The following RAB10 variants were observed in gnomAD, a reference collection of about 807,000 sequenced individuals.
RAB10 encodes the protein ras-related protein Rab-10.
A neutral mutation model predicts 25.7 loss-of-function variants in RAB10; 5 were observed. The ratio of observed to expected loss-of-function variants is 0.19; its 90% CI spans 0.10 to 0.41. The LOEUF is 0.41. RAB10 is among the 10% of genes least tolerant of loss of function. The probability of loss-of-function intolerance (pLI) is 1.00; values close to 1 mark genes in which losing one functional copy is unlikely to be tolerated. For synonymous variants in RAB10, 89 were observed against 86.4 expected (o/e 1.03, Z -0.16); for missense variants, 103 against 245.8 (o/e 0.42, Z 3.89).
chr2:26,128,816 ACT>A (rs1667954740), intron 5 of RAB10, among the ~76,000 whole-genome samples: 2 of 134,386 alleles, frequency 1.5e-5, no homozygotes, highest in African/African-American at 2.8e-5. Context: ...AAGATTTGTG[ACT>A]CTCAATATTT....
chr2:26,064,828 C>T (rs868589939), intron 1 of RAB10, among the ~76,000 whole-genome samples: 1 of 152,324 alleles, frequency 6.6e-6, no homozygotes, highest in Middle Eastern at 3.4e-3. Flanking sequence ...GGGAGGATCT[C>T]TTGAAGCCAG....
At chr2:26,066,735 A>C (rs978060225) in intron 1 of RAB10, among the ~76,000 whole-genome samples, 1 of 151,602 alleles carries the variant, frequency 6.6e-6, no homozygotes, top group Non-Finnish European at 1.5e-5. Context: ...ACTACAGTTC[A>C]AGATGACATT....
At chr2:26,036,864 A>G (rs1665774063) in intron 1 of RAB10, among the ~76,000 whole-genome samples, 3 of 151,080 alleles carry the variant, frequency 2.0e-5, no homozygotes, top group South Asian at 4.3e-4. Flanking sequence ...ATCTCGGCCC[A>G]CTGCAACCTC....
At chr2:26,134,836 T>A in intron 5 of RAB10, 102 bp from the exon 6 acceptor site, 1 of 847,514 alleles carries the variant, frequency 1.2e-6, no homozygotes. Context: ...ATTGTAGTTG[T>A]ATTTTGTTGT....
intron 2 of RAB10, chr2:26,102,007 T>A (rs1042646431): frequency 5.2e-5 from 8 of 152,452 alleles, no homozygotes; most frequent in Admixed American, 5.2e-4. Flanking sequence ...CTATTCCTTG[T>A]CCTTGTCCTT....
intron 1 of RAB10, among the ~76,000 whole-genome samples, chr2:26,096,194 A>G (rs1011391328): frequency 6.6e-6 from 1 of 152,218 alleles, no homozygotes; most frequent in Admixed American, 6.5e-5. Context: ...TTCCTTTTAT[A>G]AACAGATGTT....
intron 1 of RAB10, among the ~76,000 whole-genome samples, chr2:26,047,221 G>A (rs965612307): frequency 1.3e-5 from 2 of 151,898 alleles, no homozygotes; most frequent in Non-Finnish European, 2.9e-5. Flanking sequence ...ATAGCCTCCC[G>A]ATATTTCTAC....
chr2:26,094,183 C>G (rs770520931), intron 1 of RAB10, among the ~76,000 whole-genome samples: 3 of 152,096 alleles, frequency 2.0e-5, no homozygotes, highest in African/African-American at 4.8e-5. Flanking sequence ...GCCACCACAC[C>G]CAGCCTTTTT....
chr2:26,111,117 T>TAAG (rs1667559728), intron 3 of RAB10, among the ~76,000 whole-genome samples: 1 of 152,224 alleles, frequency 6.6e-6, no homozygotes, highest in East Asian at 1.9e-4. Context: ...TGCTACCTTC[T>TAAG]AGGCTTTGAG....
chr2:26,099,532 G>GTTT (rs70950167), intron 2 of RAB10, among the ~76,000 whole-genome samples: 33 of 73,336 alleles, frequency 4.5e-4, no homozygotes, highest in South Asian at 1.2e-3. Context: ...GTTTTTTTGG[G>GTTT]TTTTTTTTTT....
chr2:26,072,133 A>G lies in RAB10; in HGVS notation c.128-26529A>G, dbSNP rs1236347741. Among the ~76,000 whole-genome samples, 3 of 152,108 alleles carry G rather than the reference A, an allele frequency of 2.0e-5. No homozygotes were observed. In the East Asian group the frequency reaches 5.8e-4, roughly 29 times the overall value. ...AACTGATGGATTTTAATATAATAGA[A>G]CATGGCTGGGTGCGGTGGCTCACGC... On this transcript the variant is annotated intron_variant, in intron 1 of 5. Transcript: ENST00000264710.
chr2:26,034,295 C>T lies in RAB10; in HGVS notation c.-314C>T, dbSNP rs929654923. On this transcript the variant is annotated 5_prime_UTR_variant, in exon 1 of 6. Transcript: ENST00000264710. ...TCCTCGACGGCAGAGCAGGCTTGCT[C>T]GCCCGTGGGAGCGTCCCGGCCGAGA... 15 of 539,328 alleles carry T rather than the reference C, an allele frequency of 2.8e-5. No individual in the cohort carries two copies. In the African/African-American group the frequency reaches 2.8e-4, roughly 10 times the overall value. The allele number at this position is 539,328 out of a possible 1,614,324, so 33.4% of individuals were successfully genotyped here. A position where few individuals can be genotyped will look rare whatever the true frequency, so the allele number is the denominator to read the frequency against.
chr2:26,047,480 A>G (rs1044669613), intron 1 of RAB10, among the ~76,000 whole-genome samples: 5 of 152,062 alleles, frequency 3.3e-5, no homozygotes, highest in Admixed American at 1.3e-4. Context: ...CAGTGGCACA[A>G]TCTCGGCTCA....
chr2:26,083,628 T>C (rs1027825421), intron 1 of RAB10, among the ~76,000 whole-genome samples: 1 of 152,062 alleles, frequency 6.6e-6, no homozygotes, highest in Non-Finnish European at 1.5e-5. Flanking sequence ...CACACCCGGT[T>C]AATTTTTTGT....
chr2:26,075,434 T>A (rs1257111566), intron 1 of RAB10, among the ~76,000 whole-genome samples: 1 of 152,182 alleles, frequency 6.6e-6, no homozygotes, highest in African/African-American at 2.4e-5. Flanking sequence ...TTTTTGTGCT[T>A]TGACTGGAGG....
chr2:26,070,753 G>T (rs1179232444), intron 1 of RAB10, among the ~76,000 whole-genome samples: 1 of 152,050 alleles, frequency 6.6e-6, no homozygotes, highest in Admixed American at 6.5e-5. Flanking sequence ...TAAGATTATT[G>T]CAAGGAGCAA....
At chr2:26,105,323 T>C (rs1667445054) in intron 2 of RAB10, among the ~76,000 whole-genome samples, 1 of 152,104 alleles carries the variant, frequency 6.6e-6, no homozygotes, top group African/African-American at 2.4e-5. Flanking sequence ...CAGAAACTTA[T>C]CCAAAGAGTC....
At chr2:26,068,233 C>G (rs965173665) in intron 1 of RAB10, among the ~76,000 whole-genome samples, 4 of 151,956 alleles carry the variant, frequency 2.6e-5, no homozygotes, top group Non-Finnish European at 5.9e-5. Context: ...ATGTGTGTTG[C>G]AAATGTGACT....
At chr2:26,037,216 G>T (rs1267725129) in intron 1 of RAB10, among the ~76,000 whole-genome samples, 2 of 152,168 alleles carry the variant, frequency 1.3e-5, no homozygotes, top group African/African-American at 4.8e-5. Context: ...TAATCTTTTT[G>T]TAGCCCTTTT....
Sources: allele counts gnomAD v4.1 joint callset (sites outside exome capture counted in the v4.1 genomes callset), GRCh38; gene constraint gnomAD v4.1.1; transcripts MANE v1.5; gene names NCBI Gene and HGNC (gene_info 2026-07-23, HGNC 2026-07-21).